The following DLG2 variants were observed in gnomAD, a reference collection of about 807,000 sequenced individuals.
DLG2 encodes disks large homolog 2.
DLG2 carries 45 observed loss-of-function variants against 132.5 expected under a neutral mutation model. The ratio of observed to expected loss-of-function variants is 0.34; its 90% CI spans 0.27 to 0.44. The LOEUF (loss-of-function observed/expected upper bound fraction) is 0.44. Ranked by LOEUF, DLG2 falls within the 20% of genes least tolerant of loss-of-function variation. DLG2 has a pLI of 1.00. For missense variants in DLG2, 1,045 were observed against 1,196.9 expected (o/e 0.87, Z 1.87); for synonymous variants, 424 against 419.6 (o/e 1.01, Z -0.13).
chr11:85,151,030 A>C (rs1394036217), intron 5 of DLG2, among the ~76,000 whole-genome samples: 1 of 152,120 alleles, frequency 6.6e-6, no homozygotes. Context: ...TTATCAACAC[A>C]TTATTTTCTG....
At chr11:84,431,989 A>T (rs1474713822) in intron 7 of DLG2, among the ~76,000 whole-genome samples, 1 of 152,224 alleles carries the variant, frequency 6.6e-6, no homozygotes, top group African/African-American at 2.4e-5. Context: ...CTATGTGTCA[A>T]GCATTCTTTT....
chr11:84,221,073 G>A (rs1044348165), intron 8 of DLG2, among the ~76,000 whole-genome samples: 1 of 151,368 alleles, frequency 6.6e-6, no homozygotes, highest in African/African-American at 2.4e-5. Flanking sequence ...CAAAGTGTTG[G>A]GATTACAGGC....
chr11:85,485,132 C>T (rs1184500010), intron 3 of DLG2, among the ~76,000 whole-genome samples: 1 of 151,432 alleles, frequency 6.6e-6, no homozygotes, highest in East Asian at 1.9e-4. Context: ...TGTTCTCACT[C>T]ATAGGTGGGA....
At chr11:85,421,009 T>A (rs1034895018) in intron 3 of DLG2, among the ~76,000 whole-genome samples, 3 of 151,466 alleles carry the variant, frequency 2.0e-5, no homozygotes, top group Non-Finnish European at 4.4e-5. Flanking sequence ...AAAGATAAAA[T>A]AAAAATGAAA....
chr11:85,063,235 T>C (rs964927031), intron 6 of DLG2, among the ~76,000 whole-genome samples: 33 of 151,768 alleles, frequency 2.2e-4, no homozygotes, highest in African/African-American at 8.0e-4. Flanking sequence ...ATGATCCCCA[T>C]AGGATCAGCT....
chr11:85,259,134 G>C lies in DLG2; in HGVS notation c.186+26086C>G, dbSNP rs1481564502. On this transcript the variant is annotated intron_variant, in intron 4 of 27. Coordinates refer to ENST00000376104, the MANE Select transcript of DLG2 (RefSeq NM_001142699.3). Reference sequence around the variant, plus strand: ...TTGTAATCACCAGTGTTGGAGGTGGGGCCTAGTGAGAGGTCATTGGATTAT... The same window carrying C: ...TTGTAATCACCAGTGTTGGAGGTGGCGCCTAGTGAGAGGTCATTGGATTAT... 2.0e-5 allele frequency among the ~76,000 whole-genome samples: 3 copies of C among 151,942 alleles called. 1 individual carries two copies. Among genetic ancestry groups the C allele is most frequent in the Admixed American group, 2.0e-4 (3 of 15,260 alleles).
Position 84,693,088 on chromosome 11 carries a change from G to A in DLG2, c.358-158357C>T, listed in dbSNP as rs112154119. ...TGGGAAATGTTCATTGCTTTCATTA[G>A]TTTCTCAAATGGTCTGTGAATCAAA... On this transcript the variant is annotated intron_variant, in intron 6 of 27. Coordinates refer to ENST00000376104, the MANE Select transcript of DLG2 (RefSeq NM_001142699.3). 7.2e-3 allele frequency among the ~76,000 whole-genome samples: 1,088 copies of A among 151,786 alleles called. 4 individuals carry two copies. Among genetic ancestry groups the A allele is most frequent in the Non-Finnish European group, 0.011 (744 of 67,762 alleles).
At chr11:84,144,144 T>C (rs531924222) in intron 9 of DLG2, among the ~76,000 whole-genome samples, 1 of 152,274 alleles carries the variant, frequency 6.6e-6, no homozygotes, top group African/African-American at 2.4e-5. Context: ...GTTGTTTACT[T>C]TCATATGACA....
chr11:85,492,312 C>T (rs1002062701), intron 3 of DLG2, among the ~76,000 whole-genome samples: 1 of 152,146 alleles, frequency 6.6e-6, no homozygotes, highest in African/African-American at 2.4e-5. Flanking sequence ...ATAAAATTTG[C>T]ATTTCTCAAT....
intron 8 of DLG2, among the ~76,000 whole-genome samples, chr11:84,217,193 G>T (rs780793590): frequency 1.6e-4 from 24 of 152,088 alleles, no homozygotes; most frequent in Non-Finnish European, 2.5e-4. Flanking sequence ...CAGAAATAAG[G>T]TGTCAGAAAT....
At chr11:84,062,505 G>C (rs181155943) in intron 10 of DLG2, among the ~76,000 whole-genome samples, 11 of 152,300 alleles carry the variant, frequency 7.2e-5, no homozygotes, top group Admixed American at 7.2e-4. Flanking sequence ...GAACAGAATG[G>C]AAATTTAAAC....
chr11:85,096,042 C>G (rs538187873), intron 6 of DLG2, among the ~76,000 whole-genome samples: 1 of 152,252 alleles, frequency 6.6e-6, no homozygotes, highest in South Asian at 2.1e-4. Flanking sequence ...CTGTGTCTAG[C>G]TAAATGATTG....
intron 6 of DLG2, among the ~76,000 whole-genome samples, chr11:84,825,680 C>A (rs1177256247): frequency 6.6e-6 from 1 of 151,850 alleles, no homozygotes; most frequent in Non-Finnish European, 1.5e-5. Flanking sequence ...GTGATTCCAG[C>A]AACTCCTCTT....
At chr11:83,974,849 C>A (rs182313545) in intron 12 of DLG2, among the ~76,000 whole-genome samples, 1 of 152,130 alleles carries the variant, frequency 6.6e-6, no homozygotes, top group East Asian at 1.9e-4. Flanking sequence ...TCTTTCCGCT[C>A]GACTTCAATG....
At chr11:83,955,861 G>A (rs549160246) in intron 14 of DLG2, among the ~76,000 whole-genome samples, 88 of 152,130 alleles carry the variant, frequency 5.8e-4, no homozygotes, top group Non-Finnish European at 8.1e-4. Flanking sequence ...TCAGCTTTGG[G>A]ACTCTTGGAC....
chr11:83,886,691 C>G (rs11233778), intron 15 of DLG2, among the ~76,000 whole-genome samples: 55,750 of 148,908 alleles, frequency 0.37, 10,561 homozygotes, highest in South Asian at 0.5. Context: ...TGACCACATA[C>G]TTGGAAATAA....
chr11:84,460,834 A>G (rs2099078304), intron 7 of DLG2, among the ~76,000 whole-genome samples: 1 of 150,844 alleles, frequency 6.6e-6, no homozygotes, highest in South Asian at 2.1e-4. Flanking sequence ...TTCTTAGCCC[A>G]TATAAATAAA....
intron 6 of DLG2, among the ~76,000 whole-genome samples, chr11:85,054,999 C>A (rs2063306067): frequency 6.6e-6 from 1 of 151,982 alleles, no homozygotes; most frequent in South Asian, 2.1e-4. Context: ...GCATGTGTAA[C>A]CCTGAATCTA....
chr11:83,620,115 G>T (rs1269709351), intron 19 of DLG2, among the ~76,000 whole-genome samples: 1 of 152,070 alleles, frequency 6.6e-6, no homozygotes, highest in Non-Finnish European at 1.5e-5. Flanking sequence ...ATAAAAGTAT[G>T]GAATCCTGAG....
Sources: gnomAD v4.1 joint callset for allele counts (sites outside exome capture counted in the v4.1 genomes callset) on GRCh38, gnomAD v4.1.1 for gene constraint, MANE v1.5 for transcripts, NCBI Gene and HGNC (gene_info 2026-07-23, HGNC 2026-07-21) for gene names.